TMEM117: variants seen among roughly 807,000 people sequenced by gnomAD.
The protein encoded by TMEM117 is transmembrane protein 117.
Under a neutral mutation model 52.4 loss-of-function variants are expected in TMEM117, and 27 were observed. That is an observed-to-expected ratio of 0.51 (90% CI 0.38 to 0.71). TMEM117 has a LOEUF of 0.71. TMEM117 is among the 30% of genes least tolerant of loss of function. The pLI is 0.00. For synonymous variants in TMEM117, 215 were observed against 206.3 expected (o/e 1.04, Z -0.36); for missense variants, 556 against 630.5 (o/e 0.88, Z 1.26).
At chr12:44,323,001 T>A (rs1951152508) in intron 6 of TMEM117, among the ~76,000 whole-genome samples, 1 of 152,050 alleles carries the variant, frequency 6.6e-6, no homozygotes, top group Non-Finnish European at 1.5e-5. Flanking sequence ...ACAGGAGTCT[T>A]TAAAAGAGGA....
chr12:44,277,716 CCTCCCATGCTGCATCTA>C (rs1286591098), intron 5 of TMEM117, among the ~76,000 whole-genome samples: 1 of 151,596 alleles, frequency 6.6e-6, no homozygotes, highest in Non-Finnish European at 1.5e-5. Context: ...AGAGAACTTC[CCTCCCATGCTGCATCTA>C]CTGCCACTAG....
At chr12:44,219,441 G>A (rs1473828420) in intron 5 of TMEM117, among the ~76,000 whole-genome samples, 2 of 152,054 alleles carry the variant, frequency 1.3e-5, no homozygotes, top group East Asian at 1.9e-4. Context: ...TGATATAATT[G>A]TATATCATTT....
At chr12:44,277,893 A>G (rs1377336046) in intron 5 of TMEM117, among the ~76,000 whole-genome samples, 1 of 150,556 alleles carries the variant, frequency 6.6e-6, no homozygotes, top group Non-Finnish European at 1.5e-5. Context: ...CCTCCTGAGT[A>G]GCTGGGATTA....
At chr12:44,156,667 A>G (rs987490640) in intron 4 of TMEM117, among the ~76,000 whole-genome samples, 2 of 152,088 alleles carry the variant, frequency 1.3e-5, no homozygotes, top group Non-Finnish European at 2.9e-5. Flanking sequence ...TCAAAATCAG[A>G]TATTATGGGG....
At chr12:44,223,557 G>A (rs1423634185) in intron 5 of TMEM117, among the ~76,000 whole-genome samples, 2 of 151,978 alleles carry the variant, frequency 1.3e-5, no homozygotes, top group Admixed American at 6.6e-5. Context: ...TACTTATTTT[G>A]TACACATGGT....
intron 6 of TMEM117, among the ~76,000 whole-genome samples, chr12:44,321,625 A>G (rs1014208049): frequency 6.6e-6 from 1 of 152,180 alleles, no homozygotes; most frequent in South Asian, 2.1e-4. Context: ...GAGAATGGAG[A>G]GATGGAAAAT....
chr12:44,344,080 A>G (rs1347742457), intron 6 of TMEM117, among the ~76,000 whole-genome samples: 2 of 152,154 alleles, frequency 1.3e-5, no homozygotes, highest in African/African-American at 2.4e-5. Flanking sequence ...CTGGTCTTAA[A>G]TTGTTGAGAA....
At chr12:44,208,737 T>G (rs959882412) in intron 4 of TMEM117, among the ~76,000 whole-genome samples, 1 of 149,220 alleles carries the variant, frequency 6.7e-6, no homozygotes, top group Non-Finnish European at 1.5e-5. Flanking sequence ...TTTTTTTTTT[T>G]TTTTTTTTTT....
chr12:44,367,666 C>T (rs1951807333), intron 6 of TMEM117, among the ~76,000 whole-genome samples: 1 of 152,036 alleles, frequency 6.6e-6, no homozygotes, highest in Non-Finnish European at 1.5e-5. Flanking sequence ...GTGCTCTCCC[C>T]AAAGATTCCC....
downstream of TMEM117, among the ~76,000 whole-genome samples, chr12:44,392,715 T>C (rs1171921985): frequency 7.3e-6 from 1 of 136,640 alleles, no homozygotes; most frequent in African/African-American, 2.7e-5. Flanking sequence ...GATGTTCCCC[T>C]TCCTGTGTCC....
intron 5 of TMEM117, among the ~76,000 whole-genome samples, chr12:44,259,073 C>G (rs916968299): frequency 1.3e-5 from 2 of 152,106 alleles, no homozygotes; most frequent in African/African-American, 4.8e-5. Context: ...ATGTACTTCA[C>G]TTTTCATATT....
At chr12:43,963,407 A>G (rs777802329) in intron 3 of TMEM117, among the ~76,000 whole-genome samples, 2 of 152,232 alleles carry the variant, frequency 1.3e-5, no homozygotes, top group African/African-American at 2.4e-5. Flanking sequence ...CTACAGAGGC[A>G]TCTTAAGTGT....
intron 2 of TMEM117, among the ~76,000 whole-genome samples, chr12:43,866,920 G>A (rs1370213816): frequency 2.6e-5 from 4 of 152,130 alleles, no homozygotes; most frequent in Non-Finnish European, 5.9e-5. Flanking sequence ...GAGAAACACC[G>A]TCTCTACTAA....
chr12:44,280,891 G>A (rs902244759), intron 5 of TMEM117, among the ~76,000 whole-genome samples: 5 of 149,964 alleles, frequency 3.3e-5, no homozygotes, highest in African/African-American at 9.9e-5. Flanking sequence ...AAACAAGGTT[G>A]ATGATTTGCC....
chr12:44,020,913 TTGA>T (rs1471344020), intron 3 of TMEM117, among the ~76,000 whole-genome samples: 1 of 152,190 alleles, frequency 6.6e-6, no homozygotes, highest in African/African-American at 2.4e-5. Flanking sequence ...CTAGCTGAGT[TTGA>T]TGATAATAAC....
the TMEM117 span, among the ~76,000 whole-genome samples, chr12:43,808,318 G>C: frequency 6.6e-6 from 1 of 152,110 alleles, no homozygotes; most frequent in African/African-American, 2.4e-5. Context: ...AGATTACATA[G>C]CTCTTCTAAG....
intron 4 of TMEM117, among the ~76,000 whole-genome samples, chr12:44,154,380 G>T (rs534600176): frequency 6.6e-6 from 1 of 152,194 alleles, no homozygotes; most frequent in South Asian, 2.1e-4. Context: ...CTACTGACCA[G>T]AGGTTATATG....
At chr12:44,014,491 C>T (rs75017466) in intron 3 of TMEM117, among the ~76,000 whole-genome samples, 2,430 of 152,228 alleles carry the variant, frequency 0.016, 48 homozygotes, top group African/African-American at 0.055. Context: ...CTAACATGTT[C>T]CCAGGTGATG....
At chr12:44,228,621 G>C (rs76882509) in intron 5 of TMEM117, among the ~76,000 whole-genome samples, 2,657 of 152,140 alleles carry the variant, frequency 0.017, 59 homozygotes, top group East Asian at 0.057. Context: ...AAATTCCCAT[G>C]GATACCTAAT....
Sources: allele counts gnomAD v4.1 joint callset (sites outside exome capture counted in the v4.1 genomes callset), GRCh38; gene constraint gnomAD v4.1.1; transcripts MANE v1.5; gene names NCBI Gene and HGNC (gene_info 2026-07-23, HGNC 2026-07-21).